The following SNX16 variants were observed in gnomAD, a reference collection of about 807,000 sequenced individuals.
SNX16 encodes sorting nexin-16.
SNX16 carries 35 observed loss-of-function variants against 36.7 expected under a neutral mutation model. That is an observed-to-expected ratio of 0.95 (90% CI 0.73 to 1.27). The LOEUF (loss-of-function observed/expected upper bound fraction) is 1.27. Ranked by LOEUF, SNX16 falls within the 50% of genes most tolerant of loss-of-function variation. The pLI is 0.00. For missense variants in SNX16, 367 were observed against 393.6 expected, an observed-to-expected ratio of 0.93 and a Z score of 0.57; for synonymous variants, 134 against 132.0, an observed-to-expected ratio of 1.02 and a Z score of -0.10.
intron 6 of SNX16, among the ~76,000 whole-genome samples, 166 bp downstream of exon 6, chr8:81,802,926 G>T (rs1318576526): frequency 2.0e-5 from 3 of 151,298 alleles, no homozygotes; most frequent in African/African-American, 7.3e-5. Context: ...AATTTATTTA[G>T]CAAAATTATG....
At chr8:81,814,792 T>G (rs1293010570) in intron 5 of SNX16, 2 of 152,110 alleles carry the variant, frequency 1.3e-5, no homozygotes, top group Non-Finnish European at 2.9e-5. Flanking sequence ...GGAAAAAACT[T>G]GCATAAAATC....
At position 81,842,122 on chromosome 8, in the gene SNX16, C is replaced by G. The variant is rs1437185641; in HGVS notation, c.-97G>C. ...CCTGAGGTAATGACCCAGTCTTTAC[C>G]TCAGCCCCCTCGGCGATCCCGAACG... is the stretch of plus-strand genomic sequence containing the variant. On this transcript the variant is annotated splice_region_variant and 5_prime_UTR_variant, in exon 1 of 8. Coordinates refer to ENST00000345957, the MANE Select transcript of SNX16 (RefSeq NM_152836.3). 1 of 151,362 alleles carries G rather than the reference C, an allele frequency of 6.6e-6. No homozygotes were observed. The highest frequency in any genetic ancestry group is 1.5e-5 in the Non-Finnish European group (1 of 67,940). The allele number at this position is 151,362 out of a possible 1,614,324, so 9.4% of individuals were successfully genotyped here.
chr8:81,806,014 A>G (rs772445444), intron 5 of SNX16, among the ~76,000 whole-genome samples: 7 of 152,178 alleles, frequency 4.6e-5, no homozygotes, highest in Non-Finnish European at 1.0e-4. Context: ...CTCCCCAAAT[A>G]ATCTGAATAA....
chr8:81,812,044 A>G (rs1396785405), intron 5 of SNX16, among the ~76,000 whole-genome samples: 1 of 152,150 alleles, frequency 6.6e-6, no homozygotes, highest in Non-Finnish European at 1.5e-5. Context: ...AATTAACAAG[A>G]GGGGCTCAAC....
At chr8:81,828,202 C>T (rs944391022) in intron 3 of SNX16, among the ~76,000 whole-genome samples, 3 of 151,984 alleles carry the variant, frequency 2.0e-5, no homozygotes, top group Non-Finnish European at 4.4e-5. Flanking sequence ...AAATATTTCC[C>T]ATGTTTATGA....
intron 4 of SNX16, among the ~76,000 whole-genome samples, chr8:81,819,105 C>T (rs1286503134): frequency 6.6e-6 from 1 of 151,928 alleles, no homozygotes; most frequent in Non-Finnish European, 1.5e-5. Flanking sequence ...ACTGAATTTT[C>T]GTACTGAATC....
At chr8:81,808,256 C>A in intron 5 of SNX16, 2 of 1,187,592 alleles carry the variant, frequency 1.7e-6, no homozygotes, top group Non-Finnish European at 2.5e-6. Flanking sequence ...ATGGATAAGA[C>A]GGTCATTCAG....
In SNX16 at chr8:81,808,859, G is replaced by A. The variant is rs1810095355; in HGVS notation, c.682-5631C>T. ...GGCCTAGCTGCTACAAAGAAGACAT[G>A]TTTTAGACAAATACTCATGTGCATA... On this transcript the variant is annotated intron_variant, in intron 5 of 7. Coordinates refer to ENST00000345957, the MANE Select transcript of SNX16 (RefSeq NM_152836.3). 3 of 675,288 alleles carry A rather than the reference G, an allele frequency of 4.4e-6. No individual in the cohort carries two copies. The East Asian group carries it at 8.4e-5, about 19-fold the overall frequency. 41.8% of individuals were successfully genotyped at this position (675,288 alleles called of 1,614,324 possible). A position where few individuals can be genotyped will look rare whatever the true frequency, so the allele number is the denominator to read the frequency against.
intron 1 of SNX16, among the ~76,000 whole-genome samples, chr8:81,840,981 C>T (rs909685779): frequency 1.3e-5 from 2 of 152,090 alleles, no homozygotes; most frequent in Admixed American, 6.5e-5. Context: ...ACTTTTCATA[C>T]GAAACTCTAC....
At chr8:81,828,068 T>C (rs1811091086) in intron 3 of SNX16, among the ~76,000 whole-genome samples, 1 of 152,212 alleles carries the variant, frequency 6.6e-6, no homozygotes, top group East Asian at 1.9e-4. Context: ...ATTCTAATAA[T>C]AATTTACTTA....
intron 2 of SNX16, among the ~76,000 whole-genome samples, chr8:81,830,427 C>T (rs549638545): frequency 1.1e-4 from 17 of 151,722 alleles, no homozygotes; most frequent in Admixed American, 3.9e-4. Context: ...AAAAATTAGC[C>T]GGGCACGGTG....
intron 2 of SNX16, 102 bp from the exon 3 acceptor site, chr8:81,829,618 C>T (rs1811163473): frequency 2.4e-6 from 1 of 417,274 alleles, no homozygotes; most frequent in South Asian, 6.8e-5. Context: ...ATAACCCAGA[C>T]TATAACAATT....
intron 4 of SNX16, among the ~76,000 whole-genome samples, chr8:81,822,950 A>G (rs1380104825): frequency 5.3e-5 from 3 of 56,148 alleles, no homozygotes; most frequent in Admixed American, 1.7e-4. Context: ...ACATATACAT[A>G]TATATATATA....
At chr8:81,832,792 C>T (rs1428329490) in intron 2 of SNX16, among the ~76,000 whole-genome samples, 1 of 149,956 alleles carries the variant, frequency 6.7e-6, no homozygotes, top group Non-Finnish European at 1.5e-5. Flanking sequence ...CTCAGAGAAG[C>T]ATCTAGTAGT....
chr8:81,815,325 C>G lies in SNX16; in HGVS notation c.681G>C (p.Arg227Ser). 1 of 1,610,532 alleles carries G rather than the reference C, an allele frequency of 6.2e-7. No homozygotes were observed. Reference protein sequence around the residue: ...PGPFDSLEESRAFCETLEETN... With the variant: ...PGPFDSLEESSAFCETLEETN... The stretch of plus-strand genomic sequence containing the variant: ...ATGTGCTATATAATACAGCACTTAC[C>G]CTGCTTTCTTCTAGGCTATCAAATG... The change falls in exon 5 of 8, where the codon AGG (arginine) becomes AGC (serine). Residue 227 changes from arginine (R) to serine (S), a missense_variant and splice_region_variant. Physicochemically the swap from Arg to Ser is moderately radical, Grantham distance 110. Transcript: ENST00000345957.
intron 5 of SNX16, chr8:81,807,903 G>A (rs552784287): frequency 7.7e-5 from 59 of 767,030 alleles, no homozygotes; most frequent in Non-Finnish European, 1.3e-4. Context: ...CGAACTGTGC[G>A]GTAATGAGAA....
At chr8:81,804,980 AT>A (rs1182054649) in intron 5 of SNX16, among the ~76,000 whole-genome samples, 7 of 152,024 alleles carry the variant, frequency 4.6e-5, no homozygotes, top group Admixed American at 3.9e-4. Flanking sequence ...AAACAAAAAA[AT>A]GAGTTAAGAT....
intron 2 of SNX16, among the ~76,000 whole-genome samples, chr8:81,836,520 C>A (rs1192379515): frequency 6.6e-6 from 1 of 152,158 alleles, no homozygotes; most frequent in East Asian, 1.9e-4. Context: ...TAAATGGCAG[C>A]CATATCTTCC....
At chr8:81,808,792 T>G (rs1810092197) in intron 5 of SNX16, 26 of 832,266 alleles carry the variant, frequency 3.1e-5, no homozygotes, top group Non-Finnish European at 5.0e-5. Context: ...AAGCTACAGG[T>G]AACAACAGAT....
Sources: allele counts gnomAD v4.1 joint callset (sites outside exome capture counted in the v4.1 genomes callset), GRCh38; gene constraint gnomAD v4.1.1; transcripts MANE v1.5; gene names NCBI Gene and HGNC (gene_info 2026-07-23, HGNC 2026-07-21).